Variants in PEX7 observed in about 807,000 individuals in gnomAD.
PEX7 encodes the protein peroxisomal biogenesis factor 7.
Under a neutral mutation model 47.5 loss-of-function variants are expected in PEX7, and 34 were observed. That is an observed-to-expected ratio of 0.72 (90% CI 0.54 to 0.95). The LOEUF (loss-of-function observed/expected upper bound fraction) is 0.95. Among genes scored for constraint, PEX7 ranks in the 40% least tolerant of loss-of-function variants. The pLI is 0.00. For synonymous variants in PEX7, 141 were observed against 148.8 expected, an observed-to-expected ratio of 0.95 and a Z score of 0.38; for missense variants, 394 against 400.3, an observed-to-expected ratio of 0.98 and a Z score of 0.13.
At chr6:136,837,672 T>C (rs1455260653) in intron 3 of PEX7, among the ~76,000 whole-genome samples, 1 of 152,132 alleles carries the variant, frequency 6.6e-6, no homozygotes, top group Non-Finnish European at 1.5e-5. Context: ...AGATATCTTC[T>C]TGTGTCAGAA....
intron 3 of PEX7, among the ~76,000 whole-genome samples, chr6:136,831,422 T>A (rs925472000): frequency 2.6e-5 from 4 of 152,220 alleles, no homozygotes; most frequent in African/African-American, 9.6e-5. Context: ...CAATTCAAGA[T>A]GAGATTTGGG....
intron 3 of PEX7, among the ~76,000 whole-genome samples, chr6:136,827,916 A>C (rs1052395158): frequency 6.6e-6 from 1 of 150,772 alleles, no homozygotes; most frequent in African/African-American, 2.4e-5. Flanking sequence ...AGTTTTTGTG[A>C]TGTTTGACAT....
intron 9 of PEX7, among the ~76,000 whole-genome samples, chr6:136,908,499 G>A (rs1208951240): frequency 6.6e-6 from 1 of 151,986 alleles, no homozygotes; most frequent in Non-Finnish European, 1.5e-5. Context: ...TAGCATGTTG[G>A]TCTTAGCTTA....
At chr6:136,839,500 T>C (rs1165812100) in intron 3 of PEX7, among the ~76,000 whole-genome samples, 1 of 152,202 alleles carries the variant, frequency 6.6e-6, no homozygotes, top group Non-Finnish European at 1.5e-5. Context: ...TGGGTTTTTT[T>C]CTTTTCCCAT....
At chr6:136,893,908 C>T (rs1441612987) in intron 8 of PEX7, among the ~76,000 whole-genome samples, 2 of 152,202 alleles carry the variant, frequency 1.3e-5, no homozygotes, top group African/African-American at 4.8e-5. Context: ...TTTAAACCTT[C>T]TGCTGAATTC....
Position 136,900,093 on chromosome 6 carries a change from T to G in PEX7, c.903+1852T>G, listed in dbSNP as rs1372910473. On this transcript the variant is annotated intron_variant, in intron 9 of 9. Transcript: ENST00000318471. This position sits in a 1 kb window ranked among gnomAD's most constrained non-coding sequence, Gnocchi z 4.2. ...CAGCAGCTGCAGCGCCTCCATTTCC[T>G]CAGCTATGGCGCTTCCTCGCCCAGG... 6.5e-6 allele frequency: 1 copy of G among 153,056 alleles called. No individual in the cohort carries two copies. The highest frequency in any genetic ancestry group is 2.4e-5 in the African/African-American group (1 of 41,464). The allele number at this position is 153,056 out of a possible 1,614,324, so 9.5% of individuals were successfully genotyped here.
At chr6:136,902,446 G>A (rs1004604136) in intron 9 of PEX7, among the ~76,000 whole-genome samples, 7 of 152,182 alleles carry the variant, frequency 4.6e-5, no homozygotes, top group African/African-American at 1.7e-4. Context: ...CTTCTTAACA[G>A]AATGTAAGAT....
intron 8 of PEX7, among the ~76,000 whole-genome samples, chr6:136,895,777 G>T (rs1184781297): frequency 6.6e-6 from 1 of 152,202 alleles, no homozygotes; most frequent in Non-Finnish European, 1.5e-5. Context: ...ATGGTATAAT[G>T]AAGTGTCTTT....
intron 8 of PEX7, among the ~76,000 whole-genome samples, chr6:136,885,468 G>A (rs994775447): frequency 1.3e-5 from 2 of 152,118 alleles, no homozygotes; most frequent in Non-Finnish European, 2.9e-5. Flanking sequence ...CACAGTTTGC[G>A]TGATGTGAGT....
rs368958802 is a variant in PEX7 at position 136,870,733 on chromosome 6, T to C, written c.747+730T>C. 1.6e-4 allele frequency: 64 copies of C among 391,698 alleles called. 6 individuals carry two copies. The highest frequency in any genetic ancestry group is 4.7e-4 in the Admixed American group (16 of 33,754). The allele number at this position is 391,698 out of a possible 1,614,324, so 24.3% of individuals were successfully genotyped here. A position where few individuals can be genotyped will look rare whatever the true frequency, so the allele number is the denominator to read the frequency against. On this transcript the variant is annotated intron_variant, in intron 7 of 9. Coordinates refer to ENST00000318471, the MANE Select transcript of PEX7 (RefSeq NM_000288.4). ...AATTTTTTTTTCTTTTTTTTTGAGA[T>C]GGAGTCTTGCCCTGTCACCCAGACA...
At chr6:136,906,021 T>G (rs1775839346) in intron 9 of PEX7, among the ~76,000 whole-genome samples, 1 of 152,198 alleles carries the variant, frequency 6.6e-6, no homozygotes, top group Admixed American at 6.5e-5. Flanking sequence ...ATTTGTACCT[T>G]TACCGTGGAT....
At chr6:136,859,670 C>A (rs1774922250) in intron 5 of PEX7, among the ~76,000 whole-genome samples, 1 of 152,130 alleles carries the variant, frequency 6.6e-6, no homozygotes, top group African/African-American at 2.4e-5. Flanking sequence ...GTACCTGCTG[C>A]AATTTGAAAT....
At chr6:136,873,121 C>T (rs1775210504) in intron 8 of PEX7, among the ~76,000 whole-genome samples, 1 of 152,072 alleles carries the variant, frequency 6.6e-6, no homozygotes, top group Non-Finnish European at 1.5e-5. Flanking sequence ...CTAGGCAAAA[C>T]ATTGACATGG....
chr6:136,889,743 C>G (rs998689677), intron 8 of PEX7, among the ~76,000 whole-genome samples: 1 of 152,094 alleles, frequency 6.6e-6, no homozygotes, highest in Non-Finnish European at 1.5e-5. Flanking sequence ...AATAAATGAG[C>G]TCCATGAGCA....
chr6:136,911,557 C>CA (rs1176730514), intron 9 of PEX7, among the ~76,000 whole-genome samples: 6 of 152,030 alleles, frequency 3.9e-5, no homozygotes, highest in Admixed American at 2.6e-4. Context: ...AGGTGCACAC[C>CA]ACCACACCTG....
At chr6:136,859,233 T>C (rs991323039) in intron 5 of PEX7, among the ~76,000 whole-genome samples, 6 of 152,186 alleles carry the variant, frequency 3.9e-5, no homozygotes, top group Non-Finnish European at 2.9e-5. Context: ...TTTAGAGAAC[T>C]ACCAGTAGAT....
At chr6:136,872,772 A>G (rs1775205076) in intron 8 of PEX7, among the ~76,000 whole-genome samples, 1 of 152,130 alleles carries the variant, frequency 6.6e-6, no homozygotes, top group Admixed American at 6.5e-5. Flanking sequence ...ACAGTTCCAT[A>G]CCACAGAGGA....
chr6:136,863,991 C>T (rs1225343442), intron 5 of PEX7, among the ~76,000 whole-genome samples: 1 of 152,146 alleles, frequency 6.6e-6, no homozygotes, highest in Non-Finnish European at 1.5e-5. Flanking sequence ...AGTTGTAAAG[C>T]TGTAAAGTGT....
intron 5 of PEX7, among the ~76,000 whole-genome samples, chr6:136,864,742 G>A (rs1298153876): frequency 6.6e-6 from 1 of 152,186 alleles, no homozygotes; most frequent in Non-Finnish European, 1.5e-5. Flanking sequence ...TTTCTAGTAT[G>A]TGTTAGAGAC....
Sources: gnomAD v4.1 joint callset for allele counts (sites outside exome capture counted in the v4.1 genomes callset) on GRCh38, gnomAD v4.1.1 for gene constraint, Gnocchi (gnomAD v3.1) non-coding constraint, MANE v1.5 for transcripts, NCBI Gene and HGNC (gene_info 2026-07-23, HGNC 2026-07-21) for gene names.